The following CDH23 variants were observed in gnomAD, a reference collection of about 807,000 sequenced individuals.
The protein encoded by CDH23 is cadherin related 23, also known as cadherin-23.
CDH23 carries 189 observed loss-of-function variants against 317.1 expected under a neutral mutation model. That is an observed-to-expected ratio of 0.60 (90% CI 0.53 to 0.67). The LOEUF is 0.67. Among genes scored for constraint, CDH23 ranks in the 30% least tolerant of loss-of-function variants. The pLI is 0.00. For missense variants in CDH23, 4,401 were observed against 4,592.4 expected (o/e 0.96, Z 1.20); for synonymous variants, 1,839 against 1,876.8 (o/e 0.98, Z 0.52).
At position 71,729,538 on chromosome 10, in the gene CDH23, C is replaced by T. The variant is rs556360701; in HGVS notation, c.3580-931C>T. 7.9e-5 allele frequency among the ~76,000 whole-genome samples: 12 copies of T among 152,304 alleles called. No individual in the cohort carries two copies. In the East Asian group the frequency reaches 2.3e-3, roughly 29 times the overall value. Reference sequence around the variant, plus strand: ...AGGGGACGGAAGTTCCCAGGCATTTCTGCTCACTGGGCTGGTTTCCAACAG... The same window carrying T: ...AGGGGACGGAAGTTCCCAGGCATTTTTGCTCACTGGGCTGGTTTCCAACAG... On this transcript the variant is annotated intron_variant, in intron 30 of 69. Coordinates refer to ENST00000224721, the MANE Select transcript of CDH23 (RefSeq NM_022124.6).
At chr10:71,732,780 C>A in intron 32 of CDH23, 1 of 951,374 alleles carries the variant, frequency 1.1e-6, no homozygotes, top group Non-Finnish European at 1.3e-6. Flanking sequence ...AGATCCTTCA[C>A]CTCTGGTCAT....
chr10:71,741,940 C>T lies in CDH23; in HGVS notation c.4845+19C>T, dbSNP rs1446107408. 6.4e-7 allele frequency: 1 copy of T among 1,556,084 alleles called. No homozygotes were observed. The highest frequency in any genetic ancestry group is 8.7e-7 in the Non-Finnish European group (1 of 1,147,710). ...CCTGTCGGTGAGCGATGGGGGTGGC[C>T]ACAGGGAGGAGCGGGTGGGCCAGGG... On this transcript the variant is annotated intron_variant, in intron 38 of 69. Transcript: ENST00000224721.
chr10:71,790,271 CT>C lies in CDH23; in HGVS notation c.5924-16del. 1 of 1,613,262 alleles carries C rather than the reference CT, an allele frequency of 6.2e-7. No homozygotes were observed. The highest frequency in any genetic ancestry group is 8.5e-7 in the Non-Finnish European group (1 of 1,179,660). ...GGCTGGGTTGGTCTTGTGGTGACCCCTCTCCTTCTGGCCCAGGCACCCCTCT... is the reference window on the plus strand; with the variant it reads ...GGCTGGGTTGGTCTTGTGGTGACCCCCTCCTTCTGGCCCAGGCACCCCTCT... On this transcript the variant is annotated splice_polypyrimidine_tract_variant and intron_variant, in intron 45 of 69. Coordinates refer to ENST00000224721, the MANE Select transcript of CDH23 (RefSeq NM_022124.6).
intron 2 of CDH23, among the ~76,000 whole-genome samples, chr10:71,445,362 C>A (rs1244379105): frequency 6.6e-6 from 1 of 152,162 alleles, no homozygotes; most frequent in African/African-American, 2.4e-5. Context: ...AGCTGGCCAT[C>A]CCTTCACACA....
At chr10:71,416,434 T>A (rs1848536802) in intron 1 of CDH23, among the ~76,000 whole-genome samples, 1 of 152,256 alleles carries the variant, frequency 6.6e-6, no homozygotes, top group Admixed American at 6.5e-5. Context: ...CCTTTAGTGT[T>A]AGTGGTTGTT....
chr10:71,584,551 T>TGTGTGTGTGTGTGC, intron 9 of CDH23, among the ~76,000 whole-genome samples: 1 of 151,346 alleles, frequency 6.6e-6, no homozygotes, highest in Non-Finnish European at 1.5e-5. Flanking sequence ...TCTGTGTGTG[T>TGTGTGTGTGTGTGC]GTGTGTGTGT....
Position 71,619,974 on chromosome 10 carries a change from G to A in CDH23, c.1134+2581G>A, listed in dbSNP as rs1314979094. ...AAAACAAATAGAAAAGAAAGAGAAT[G>A]CATCCATCAGCTTATATTGCAGTAA... On this transcript the variant is annotated intron_variant, in intron 11 of 69. Coordinates refer to ENST00000224721, the MANE Select transcript of CDH23 (RefSeq NM_022124.6). Among the ~76,000 whole-genome samples the A allele has an allele frequency of 6.6e-5, 10 of 152,336 alleles. No individual in the cohort carries two copies. The East Asian group carries it at 1.3e-3, about 21-fold the overall frequency.
At chr10:71,691,609 C>T (rs559300238) in intron 20 of CDH23, among the ~76,000 whole-genome samples, 7 of 152,286 alleles carry the variant, frequency 4.6e-5, no homozygotes, top group Non-Finnish European at 2.9e-5. Context: ...GGGACCCAGG[C>T]CCCTTCCATG....
intron 38 of CDH23, among the ~76,000 whole-genome samples, chr10:71,753,162 CA>C (rs3833467): frequency 0.84 from 128,595 of 152,186 alleles, 54,896 homozygotes; most frequent in Non-Finnish European, 0.9. Context: ...TGCTGTCCAG[CA>C]AGCGATCTGC....
chr10:71,638,790 G>A (rs747394161), intron 11 of CDH23, among the ~76,000 whole-genome samples: 3 of 152,216 alleles, frequency 2.0e-5, no homozygotes, highest in South Asian at 2.1e-4. Flanking sequence ...ACAGACTCAG[G>A]TCGGCTGGCT....
At chr10:71,769,721 G>C (rs1437461175) in intron 38 of CDH23, among the ~76,000 whole-genome samples, 2 of 152,194 alleles carry the variant, frequency 1.3e-5, no homozygotes, top group Non-Finnish European at 2.9e-5. Context: ...GGTCCCCATG[G>C]GAAATAAGAT....
At chr10:71,731,041 G>A (rs1446249376) in intron 31 of CDH23, among the ~76,000 whole-genome samples, 1 of 152,236 alleles carries the variant, frequency 6.6e-6, no homozygotes, top group African/African-American at 2.4e-5. Context: ...CCTGTACAAG[G>A]GGCAGTACCC....
intron 6 of CDH23, among the ~76,000 whole-genome samples, chr10:71,534,561 C>A (rs965943096): frequency 6.6e-6 from 1 of 152,206 alleles, no homozygotes; most frequent in African/African-American, 2.4e-5. Flanking sequence ...TCAGAAGAAT[C>A]CTGCCAGCTT....
At chr10:71,415,252 C>T (rs1459429397) in intron 1 of CDH23, among the ~76,000 whole-genome samples, 4 of 152,094 alleles carry the variant, frequency 2.6e-5, no homozygotes, top group African/African-American at 9.7e-5. Context: ...TGCACTATCA[C>T]ACCTGGCTAA....
chr10:71,620,875 G>A (rs1589269942), intron 11 of CDH23, among the ~76,000 whole-genome samples: 1 of 152,200 alleles, frequency 6.6e-6, no homozygotes, highest in Admixed American at 6.5e-5. Context: ...AAGAGGGAGG[G>A]ATGAGTTGCT....
chr10:71,551,027 A>G (rs901024038), intron 6 of CDH23, among the ~76,000 whole-genome samples: 1 of 152,228 alleles, frequency 6.6e-6, no homozygotes, highest in African/African-American at 2.4e-5. Context: ...ACGAGCGGCA[A>G]ACCTAATGAT....
At chr10:71,802,244 G>T (rs1267175326) in intron 53 of CDH23, among the ~76,000 whole-genome samples, 2 of 152,348 alleles carry the variant, frequency 1.3e-5, no homozygotes, top group East Asian at 3.9e-4. Context: ...GGAGGTGGAG[G>T]TTGCAGTGAG....
At chr10:71,562,655 T>C (rs961088491) in intron 6 of CDH23, among the ~76,000 whole-genome samples, 2 of 152,138 alleles carry the variant, frequency 1.3e-5, no homozygotes, top group African/African-American at 4.8e-5. Flanking sequence ...GCAAGTGGGG[T>C]GCCCATAGAA....
intron 23 of CDH23, 81 bp downstream of exon 23, chr10:71,702,292 G>A (rs1729450046): frequency 2.0e-6 from 3 of 1,465,190 alleles, no homozygotes; most frequent in Non-Finnish European, 2.8e-6. Context: ...GGGGTACCTG[G>A]GGCCCACCCA....
Sources: gnomAD v4.1 joint callset for allele counts (sites outside exome capture counted in the v4.1 genomes callset) on GRCh38, gnomAD v4.1.1 for gene constraint, MANE v1.5 for transcripts, NCBI Gene and HGNC (gene_info 2026-07-23, HGNC 2026-07-21) for gene names.